The following ZNF571 variants were observed in gnomAD, a reference collection of about 807,000 sequenced individuals.
ZNF571 encodes zinc finger protein 571.
A neutral mutation model predicts 7.7 loss-of-function variants in ZNF571; 4 were observed. The ratio of observed to expected loss-of-function variants is 0.52; its 90% CI spans 0.25 to 1.18. The LOEUF is 1.18. Among genes scored for constraint, ZNF571 ranks in the 50% most tolerant of loss-of-function variants. The pLI is 0.14. For missense variants in ZNF571, 704 were observed against 726.9 expected (o/e 0.97, Z 0.36); for synonymous variants, 251 against 232.4 (o/e 1.08, Z -0.73).
chr19:37,594,453 G>C (rs1024637771), intron 1 of ZNF571: 1 of 152,326 alleles, frequency 6.6e-6, no homozygotes, highest in African/African-American at 2.4e-5. Context: ...TTATGGTGCC[G>C]ATTTTGTCCG....
chr19:37,589,749 C>G (rs551364890), intron 1 of ZNF571, among the ~76,000 whole-genome samples: 2 of 150,110 alleles, frequency 1.3e-5, no homozygotes, highest in Admixed American at 6.7e-5. Context: ...ATCTGTAATC[C>G]CAGCTACTTG....
intron 3 of ZNF571, among the ~76,000 whole-genome samples, chr19:37,582,679 C>T (rs560198942): frequency 1.4e-4 from 21 of 152,320 alleles, no homozygotes; most frequent in African/African-American, 4.1e-4. Context: ...TGACTTCCTT[C>T]TCCAGCCTTC....
intron 3 of ZNF571, among the ~76,000 whole-genome samples, chr19:37,571,973 T>A (rs2043070985): frequency 6.6e-6 from 1 of 152,250 alleles, no homozygotes; most frequent in Non-Finnish European, 1.5e-5. Context: ...TATCTTTTTT[T>A]ATGATCTAAT....
intron 3 of ZNF571, among the ~76,000 whole-genome samples, chr19:37,577,728 CA>C (rs1157199053): frequency 6.6e-6 from 1 of 152,152 alleles, no homozygotes; most frequent in Non-Finnish European, 1.5e-5. Context: ...TAAATTTACT[CA>C]AATTTTAATC....
At position 37,565,126 on chromosome 19, in the gene ZNF571, A is replaced by AAGTT; in HGVS notation, c.1298_1301dup (p.Ser435ThrfsTer2). 6.2e-7 allele frequency: 1 copy of AAGTT among 1,613,118 alleles called. No individual in the cohort carries two copies. The highest frequency in any genetic ancestry group is 8.5e-7 in the Non-Finnish European group (1 of 1,179,430). Reference sequence around the variant, plus strand: ...CTGTATGAATTCTCTGATGTTCACTAAGTTGTTTGCCACAAATAAAGGCCT... The same window carrying AAGTT: ...CTGTATGAATTCTCTGATGTTCACTAAGTTAGTTGTTTGCCACAAATAAAGGCCT... On this transcript the variant is annotated frameshift_variant, in exon 4 of 4. Transcript: ENST00000451802. LOFTEE classifies it low-confidence loss of function (END_TRUNC).
chr19:37,572,967 C>T (rs1366252272), intron 3 of ZNF571, among the ~76,000 whole-genome samples: 2 of 152,116 alleles, frequency 1.3e-5, no homozygotes, highest in African/African-American at 2.4e-5. Flanking sequence ...AGTTAGACTA[C>T]GTCTCAATAA....
intron 3 of ZNF571, chr19:37,567,606 T>C (rs1292376627): frequency 6.6e-6 from 1 of 152,208 alleles, no homozygotes; most frequent in African/African-American, 2.4e-5. Flanking sequence ...GTCAAATTCT[T>C]TCCCATTTTA....
At position 37,566,030 on chromosome 19, in the gene ZNF571, G is replaced by T. The variant is rs750319757; in HGVS notation, c.398C>A (p.Pro133His). The change falls in exon 4 of 4, where the codon CCT (proline) becomes CAT (histidine). Residue 133 changes from proline (P) to histidine (H), a missense_variant. Physicochemically the swap from Pro to His is moderately conservative, Grantham distance 77. Coordinates refer to ENST00000451802, the MANE Select transcript of ZNF571 (RefSeq NM_016536.5). ...STSSTFHRII[P>H]TKEKLYKCKE... ...ACATTTGTACAATTTTTCCTTGGTA[G>T]GAATTATCCGATGAAAAGTAGAAGA... 5 of 1,613,918 alleles carry T rather than the reference G, an allele frequency of 3.1e-6. No homozygotes were observed. The Admixed American group carries it at 5.0e-5, about 16-fold the overall frequency.
rs796918685 is a variant in ZNF571, at chr19:37,591,771, C to T, written c.-70+2970G>A. Among the ~76,000 whole-genome samples the T allele has an allele frequency of 4.6e-5, 7 of 152,008 alleles. No homozygotes were observed. The East Asian group carries it at 5.8e-4, about 13-fold the overall frequency. On this transcript the variant is annotated intron_variant, in intron 1 of 3. Coordinates refer to ENST00000451802, the MANE Select transcript of ZNF571 (RefSeq NM_016536.5). ...GTTGGTCAGGCTGGCCTCAAACTCC[C>T]GACCTCAGGTGATTCGCCTGCCTCG...
In ZNF571 at chr19:37,564,424, G is replaced by A. The variant is rs571057359; in HGVS notation, c.*174C>T. On this transcript the variant is annotated 3_prime_UTR_variant, in exon 4 of 4. Transcript: ENST00000451802. ...ATATAATTCAGCATTATATTCTAGC[G>A]TTTATAGAGATGTTAAGGAATTATT... The A allele has an allele frequency of 2.9e-4, 135 of 471,210 alleles. No homozygotes were observed. The highest frequency in any genetic ancestry group is 4.6e-4 in the Admixed American group (12 of 26,210). The allele number at this position is 471,210 out of a possible 1,614,324, so 29.2% of individuals were successfully genotyped here. A position where few individuals can be genotyped will look rare whatever the true frequency, so the allele number is the denominator to read the frequency against.
intron 3 of ZNF571, among the ~76,000 whole-genome samples, chr19:37,582,707 A>G (rs1344609911): frequency 6.6e-6 from 1 of 152,150 alleles, no homozygotes. Context: ...TGATGCCTCT[A>G]TTGCCAATCT....
In ZNF571 at chr19:37,565,952, T is replaced by C. The variant is rs779857352; in HGVS notation, c.476A>G (p.Glu159Gly). ...SYLSCLIQHEENHNIEKCSEV... is the reference protein window; with the variant it reads ...SYLSCLIQHEGNHNIEKCSEV... ...AGAGCATTTTTCTATATTATGATTT[T>C]CCTCATGTTGAATAAGGCATGACAG... The change falls in exon 4 of 4, where the codon GAA (glutamate) becomes GGA (glycine). Residue 159 changes from glutamate to glycine, a missense_variant. Transcript: ENST00000451802. 1.2e-6 allele frequency: 2 copies of C among 1,613,868 alleles called. No individual in the cohort carries two copies. Among genetic ancestry groups the C allele is most frequent in the Middle Eastern group, 3.3e-4 (2 of 6,062 alleles).
intron 3 of ZNF571, among the ~76,000 whole-genome samples, chr19:37,580,978 G>C (rs1388761315): frequency 5.9e-5 from 9 of 152,114 alleles, no homozygotes; most frequent in African/African-American, 2.2e-4. Context: ...AAAGTGACCA[G>C]CATCTATGTT....
rs1233565513 is a variant in ZNF571 at position 37,565,316 on chromosome 19, G to A, written c.1112C>T (p.Thr371Ile). 1.5e-5 allele frequency: 24 copies of A among 1,611,796 alleles called. No individual in the cohort carries two copies. The highest frequency in any genetic ancestry group is 1.8e-5 in the Non-Finnish European group (21 of 1,179,022). The change falls in exon 4 of 4, where the codon ACC (threonine) becomes ATC (isoleucine). Residue 371 changes from threonine to isoleucine, a missense_variant. Transcript: ENST00000451802. ...KPYECKECGKTFFRGSQLTYH... is the reference protein window; with the variant it reads ...KPYECKECGKIFFRGSQLTYH... ...AGTAAGTTGTGAGCCACGAAAAAAGGTCTTCCCGCATTCTTTACATTCATA... is the reference window on the plus strand; with the variant it reads ...AGTAAGTTGTGAGCCACGAAAAAAGATCTTCCCGCATTCTTTACATTCATA...
intron 2 of ZNF571, chr19:37,585,030 C>G (rs182181574): frequency 6.6e-6 from 1 of 150,836 alleles, no homozygotes; most frequent in African/African-American, 2.4e-5. Context: ...ATCTATAATT[C>G]TTGAGAGTAT....
chr19:37,594,715 G>C (rs902161940), intron 1 of ZNF571, 26 bp downstream of exon 1: 1 of 152,278 alleles, frequency 6.6e-6, no homozygotes, highest in Admixed American at 6.5e-5. Context: ...AGCTGCGAGC[G>C]GTTCCCGGTG....
chr19:37,575,481 T>A (rs1281403218), intron 3 of ZNF571: 1 of 152,200 alleles, frequency 6.6e-6, no homozygotes, highest in African/African-American at 2.4e-5. Flanking sequence ...GTCAAATCAA[T>A]CCTTGACAAC....
Position 37,566,247 on chromosome 19 carries a change from C to T in ZNF571, c.181G>A (p.Glu61Lys). The T allele has an allele frequency of 1.2e-6, 2 of 1,613,366 alleles. No homozygotes were observed. The change falls in exon 4 of 4, where the codon GAA becomes AAA. Residue 61 changes from glutamate (E) to lysine (K), a missense_variant. Physicochemically the swap from Glu to Lys is moderately conservative, Grantham distance 56. Coordinates refer to ENST00000451802, the MANE Select transcript of ZNF571 (RefSeq NM_016536.5). ...CVTKKLSPEK[E>K]IYEMESLQWE... ...TGGAGTGATTCCATTTCATAAATTT[C>T]CTTTTCTGGAGATAACTTTTTGGTC...
rs766507474 is a variant in ZNF571 at position 37,564,851 on chromosome 19, CCT to C, written c.1575_1576del (p.Gly526Ter). 17 of 1,613,928 alleles carry C rather than the reference CCT, an allele frequency of 1.1e-5. No homozygotes were observed. Among genetic ancestry groups the C allele is most frequent in the Non-Finnish European group, 1.4e-5 (17 of 1,179,972 alleles). On this transcript the variant is annotated frameshift_variant, in exon 4 of 4. Coordinates refer to ENST00000451802, the MANE Select transcript of ZNF571 (RefSeq NM_016536.5). LOFTEE classifies it low-confidence loss of function (END_TRUNC). ...CTGTTTACATTCATAAGGTTTTTCA[CCT>C]CTGTGAATTCTCTGATGTTCACTAA...
Sources: gnomAD v4.1 joint callset for allele counts (sites outside exome capture counted in the v4.1 genomes callset) on GRCh38, gnomAD v4.1.1 for gene constraint, MANE v1.5 for transcripts, NCBI Gene and HGNC (gene_info 2026-07-23, HGNC 2026-07-21) for gene names.